The following SORCS3 variants were observed in gnomAD, a reference collection of about 807,000 sequenced individuals.
The protein encoded by SORCS3 is VPS10 domain-containing receptor SorCS3.
SORCS3 carries 57 observed loss-of-function variants against 146.3 expected under a neutral mutation model. That is an observed-to-expected ratio of 0.39 (90% CI 0.31 to 0.49). The LOEUF is 0.49. Among genes scored for constraint, SORCS3 ranks in the 20% least tolerant of loss-of-function variants. The pLI, the probability that SORCS3 is intolerant of heterozygous loss-of-function variation, is 0.92. For synonymous variants in SORCS3, 653 were observed against 618.5 expected (o/e 1.06, Z -0.83); for missense variants, 1,341 against 1,575.5 (o/e 0.85, Z 2.52).
At chr10:105,170,297 A>G (rs2056348367) in intron 13 of SORCS3, among the ~76,000 whole-genome samples, 1 of 152,080 alleles carries the variant, frequency 6.6e-6, no homozygotes, top group Non-Finnish European at 1.5e-5. Flanking sequence ...CTCAATATTC[A>G]TTTAGGGATA....
chr10:105,261,910 T>A (rs978469989), intron 25 of SORCS3, among the ~76,000 whole-genome samples: 39 of 152,332 alleles, frequency 2.6e-4, no homozygotes, highest in African/African-American at 9.1e-4. Context: ...CTATTTATTT[T>A]AAAAAAGCCA....
intron 3 of SORCS3, among the ~76,000 whole-genome samples, chr10:104,927,567 A>C (rs1050215456): frequency 1.3e-5 from 2 of 152,130 alleles, no homozygotes; most frequent in African/African-American, 4.8e-5. Flanking sequence ...GGAGTTTTAC[A>C]CTTTGAAAGC....
At chr10:104,727,930 C>G (rs2016658206) in intron 1 of SORCS3, among the ~76,000 whole-genome samples, 1 of 152,088 alleles carries the variant, frequency 6.6e-6, no homozygotes, top group East Asian at 1.9e-4. Context: ...CATCCCCCAC[C>G]CCACCTTCCC....
At chr10:104,718,443 A>G (rs2133443223) in intron 1 of SORCS3, among the ~76,000 whole-genome samples, 1 of 152,308 alleles carries the variant, frequency 6.6e-6, no homozygotes, top group East Asian at 1.9e-4. Flanking sequence ...TCTTAAAGGT[A>G]ACCACCTCTC....
At chr10:104,821,583 A>G (rs1467577897) in intron 1 of SORCS3, among the ~76,000 whole-genome samples, 1 of 152,216 alleles carries the variant, frequency 6.6e-6, no homozygotes, top group African/African-American at 2.4e-5. Context: ...TTCAAAGCAC[A>G]TGGCTCCTTT....
chr10:105,237,171 T>C (rs937701636), intron 20 of SORCS3, among the ~76,000 whole-genome samples: 2 of 152,138 alleles, frequency 1.3e-5, no homozygotes, highest in Non-Finnish European at 2.9e-5. Flanking sequence ...AGAATGACAA[T>C]ACATGAGAGG....
In SORCS3 at chr10:105,203,475, C is replaced by T. The variant is rs572548887; in HGVS notation, c.2261+2222C>T. Among the ~76,000 whole-genome samples the T allele has an allele frequency of 3.3e-5, 5 of 152,246 alleles. No homozygotes were observed. The East Asian group carries it at 7.7e-4, about 24-fold the overall frequency. On this transcript the variant is annotated intron_variant, in intron 16 of 26. Coordinates refer to ENST00000369701, the MANE Select transcript of SORCS3 (RefSeq NM_014978.3). ...TCTGCAGACTAACTCCATTGAGGCACACTGTCTTTGAATTTGTCATGATAC... is the reference window on the plus strand; with the variant it reads ...TCTGCAGACTAACTCCATTGAGGCATACTGTCTTTGAATTTGTCATGATAC...
intron 4 of SORCS3, among the ~76,000 whole-genome samples, chr10:105,041,411 ATAT>A (rs1359457052): frequency 0.014 from 1,901 of 140,548 alleles, 24 homozygotes; most frequent in African/African-American, 0.035. Flanking sequence ...ATTAAAAAAA[ATAT>A]ATATATATAT....
chr10:104,940,228 ATATATATATAT>A (rs1235651060), intron 3 of SORCS3, among the ~76,000 whole-genome samples: 108 of 34,200 alleles, frequency 3.2e-3, no homozygotes, highest in East Asian at 0.014. Context: ...ATATATATAT[ATATATATATAT>A]TTTTTTTTTT....
intron 20 of SORCS3, among the ~76,000 whole-genome samples, chr10:105,243,924 C>T (rs2056851218): frequency 6.6e-6 from 1 of 152,190 alleles, no homozygotes; most frequent in Admixed American, 6.5e-5. Flanking sequence ...GGGTTTTGTA[C>T]ACATGCATCC....
intron 2 of SORCS3, among the ~76,000 whole-genome samples, chr10:104,902,715 A>G (rs1442765840): frequency 1.3e-5 from 2 of 152,258 alleles, no homozygotes; most frequent in African/African-American, 4.8e-5. Flanking sequence ...AAGCCTGTCA[A>G]GAAACTAAGC....
intron 1 of SORCS3, among the ~76,000 whole-genome samples, chr10:104,726,677 C>T (rs561367815): frequency 5.3e-5 from 8 of 152,118 alleles, no homozygotes; most frequent in Non-Finnish European, 1.0e-4. Flanking sequence ...CAGAAATCTT[C>T]AATAGCTCTC....
Position 104,641,580 on chromosome 10 carries a change from G to A in SORCS3, c.253G>A (p.Ala85Thr). ...GAGAGCCGCCGTGCTGGGGCGCCGG[G>A]CCGGACCAGAGCTGCTGCCCCAGCA... ...ARRAAVLGRRAGPELLPQQGG... is the reference protein window; with the variant it reads ...ARRAAVLGRRTGPELLPQQGG... Residue 85 changes from alanine to threonine, a missense_variant, in exon 1 of 27, where the codon GCC becomes ACC. Coordinates refer to ENST00000369701, the MANE Select transcript of SORCS3 (RefSeq NM_014978.3). This position sits in a 1 kb window ranked among gnomAD's most constrained non-coding sequence, Gnocchi z 6.4. 1 of 1,485,678 alleles carries A rather than the reference G, an allele frequency of 6.7e-7. No individual in the cohort carries two copies. The highest frequency in any genetic ancestry group is 8.9e-7 in the Non-Finnish European group (1 of 1,127,556). 92.0% of individuals were successfully genotyped at this position (1,485,678 alleles called of 1,614,324 possible).
At chr10:105,090,252 T>C (rs2055693023) in intron 6 of SORCS3, among the ~76,000 whole-genome samples, 1 of 152,156 alleles carries the variant, frequency 6.6e-6, no homozygotes, top group Admixed American at 6.5e-5. Flanking sequence ...TTTGCAAAAC[T>C]GTTTATTCAT....
In SORCS3 at chr10:105,132,085, A is replaced by G. The variant is rs148472717; in HGVS notation, c.1213-7312A>G. Among the ~76,000 whole-genome samples the G allele has an allele frequency of 5.5e-4, 83 of 152,282 alleles. No individual in the cohort carries two copies. The East Asian group carries it at 0.015, about 28-fold the overall frequency. On this transcript the variant is annotated intron_variant, in intron 7 of 26. Coordinates refer to ENST00000369701, the MANE Select transcript of SORCS3 (RefSeq NM_014978.3). Reference sequence around the variant, plus strand: ...GAAATTTCACATAGCCTGAGGGACCAGCAAAACCTTTAAAAGTCAGATAAA... The same window carrying G: ...GAAATTTCACATAGCCTGAGGGACCGGCAAAACCTTTAAAAGTCAGATAAA...
At chr10:105,204,713 C>T (rs2056592423) in intron 16 of SORCS3, among the ~76,000 whole-genome samples, 1 of 150,866 alleles carries the variant, frequency 6.6e-6, no homozygotes. Flanking sequence ...AAAAAAAACT[C>T]ACACGACCTA....
chr10:105,249,041 A>G (rs2056883715), intron 22 of SORCS3, among the ~76,000 whole-genome samples: 1 of 152,214 alleles, frequency 6.6e-6, no homozygotes, highest in Non-Finnish European at 1.5e-5. Context: ...CTAGGCCAGA[A>G]ATATAAGGTG....
intron 4 of SORCS3, among the ~76,000 whole-genome samples, chr10:104,992,465 A>G (rs1183415160): frequency 2.0e-5 from 3 of 152,218 alleles, no homozygotes; most frequent in African/African-American, 7.2e-5. Flanking sequence ...AAATGTCAGC[A>G]GATCTCAGAT....
chr10:104,821,318 G>A (rs1289223847), intron 1 of SORCS3, among the ~76,000 whole-genome samples: 1 of 152,168 alleles, frequency 6.6e-6, no homozygotes, highest in African/African-American at 2.4e-5. Context: ...AGAGATGAGT[G>A]TGGACTGTGG....
Sources: allele counts gnomAD v4.1 joint callset (sites outside exome capture counted in the v4.1 genomes callset), GRCh38; gene constraint gnomAD v4.1.1; non-coding constraint Gnocchi (gnomAD v3.1); transcripts MANE v1.5; gene names NCBI Gene and HGNC (gene_info 2026-07-23, HGNC 2026-07-21).